The following CRISP2 variants were observed in gnomAD, a reference collection of about 807,000 sequenced individuals.
The protein encoded by CRISP2 is cysteine rich secretory protein 2, also known as cysteine-rich secretory protein 2.
CRISP2 carries 29 observed loss-of-function variants against 31.7 expected under a neutral mutation model. The ratio of observed to expected loss-of-function variants is 0.92; its 90% CI spans 0.68 to 1.25. The LOEUF is 1.25. Among genes scored for constraint, CRISP2 ranks in the 50% most tolerant of loss-of-function variants. The probability of loss-of-function intolerance (pLI) is 0.00; values close to 1 mark genes in which losing one functional copy is unlikely to be tolerated. For missense variants in CRISP2, 318 were observed against 286.5 expected, an observed-to-expected ratio of 1.11 and a Z score of -0.79; for synonymous variants, 111 against 101.4, an observed-to-expected ratio of 1.09 and a Z score of -0.57.
At chr6:49,701,674 A>ATATGTATACATTATG (rs1561876342) in intron 4 of CRISP2, among the ~76,000 whole-genome samples, 2 of 123,220 alleles carry the variant, frequency 1.6e-5, no homozygotes, top group African/African-American at 6.5e-5. Flanking sequence ...TATACATTAT[A>ATATGTATACATTATG]TATGTATACA....
chr6:49,699,430 G>A (rs182716694), intron 6 of CRISP2, among the ~76,000 whole-genome samples: 36 of 151,790 alleles, frequency 2.4e-4, no homozygotes, highest in Admixed American at 2.0e-3. Context: ...AAAGGGCAGT[G>A]GGTTAGAAAT....
intron 4 of CRISP2, among the ~76,000 whole-genome samples, chr6:49,708,256 T>G (rs943766424): frequency 2.0e-5 from 3 of 152,148 alleles, no homozygotes; most frequent in African/African-American, 7.2e-5. Context: ...AAACATGATA[T>G]GCAATTTTAA....
intron 8 of CRISP2, chr6:49,697,627 GAA>G (rs1240654678): frequency 4.3e-6 from 5 of 1,167,884 alleles, no homozygotes; most frequent in Middle Eastern, 2.2e-4. Flanking sequence ...CCAATTGAAA[GAA>G]AAGACATTAT....
chr6:49,685,756 TCCC>T, the CRISP2 span, among the ~76,000 whole-genome samples: 1 of 152,186 alleles, frequency 6.6e-6, no homozygotes, highest in African/African-American at 2.4e-5. Context: ...GGCTGTTTTT[TCCC>T]CCACTTTTTA....
rs747976056 is a variant in CRISP2, at chr6:49,695,843, TC to T, written c.596del (p.Gly199AspfsTer13). 1 of 1,609,622 alleles carries T rather than the reference TC, an allele frequency of 6.2e-7. No homozygotes were observed. The highest frequency in any genetic ancestry group is 8.5e-7 in the Non-Finnish European group (1 of 1,176,546). On this transcript the variant is annotated frameshift_variant, in exon 9 of 10. Transcript: ENST00000339139. LOFTEE classifies it low-confidence loss of function (END_TRUNC). Reference protein sequence around the residue: ...CAGCPDDCDKGLCTNSCQYQD... With the variant: ...CAGCPDDCDKXLCTNSCQYQD... Reference sequence around the variant, plus strand: ...TAATCACTTCAAACTTACTGCATAGTCCTTTGTCACAGTCATCAGGGCAACC... The same window carrying T: ...TAATCACTTCAAACTTACTGCATAGTCTTTGTCACAGTCATCAGGGCAACC...
In CRISP2 at chr6:49,692,853, T is replaced by C; in HGVS notation, c.652A>G (p.Lys218Glu). Reference protein sequence around the residue: ...QDLLSNCDSLKNTAGCEHELL... With the variant: ...QDLLSNCDSLENTAGCEHELL... ...TCATGTTCACAGCCAGCTGTATTCTTCAAGGAATCACAGTTACTTAGGAGA... is the reference window on the plus strand; with the variant it reads ...TCATGTTCACAGCCAGCTGTATTCTCCAAGGAATCACAGTTACTTAGGAGA... The change falls in exon 10 of 10, where the codon AAG becomes GAG. Residue 218 changes from lysine to glutamate, a missense_variant. Physicochemically the swap from Lys to Glu is moderately conservative, Grantham distance 56. Coordinates refer to ENST00000339139, the MANE Select transcript of CRISP2 (RefSeq NM_003296.4). 1.2e-6 allele frequency: 2 copies of C among 1,613,872 alleles called. No homozygotes were observed. The highest frequency in any genetic ancestry group is 1.3e-5 in the African/African-American group (1 of 75,044).
intron 4 of CRISP2, among the ~76,000 whole-genome samples, chr6:49,705,727 T>G (rs1766908287): frequency 6.6e-6 from 1 of 152,160 alleles, no homozygotes; most frequent in Non-Finnish European, 1.5e-5. Context: ...CACTGCTTCT[T>G]CTTCTTTTTT....
At chr6:49,684,470 C>G in the CRISP2 span, among the ~76,000 whole-genome samples, 1 of 152,130 alleles carries the variant, frequency 6.6e-6, no homozygotes, top group African/African-American at 2.4e-5. Context: ...GGACGTAGAA[C>G]TCACAGATAT....
At chr6:49,711,984 C>T (rs973050907) in intron 2 of CRISP2, among the ~76,000 whole-genome samples, 4 of 152,180 alleles carry the variant, frequency 2.6e-5, no homozygotes, top group African/African-American at 7.2e-5. Context: ...CTCATAAGAG[C>T]TTTCTATAAA....
intron 2 of CRISP2, 140 bp from the exon 3 acceptor site, chr6:49,711,461 C>G (rs1361266115): frequency 6.6e-6 from 1 of 152,176 alleles, no homozygotes; most frequent in Non-Finnish European, 1.5e-5. Context: ...TAACCTTAAA[C>G]TTCATTGTCA....
At chr6:49,683,656 T>C in the CRISP2 span, among the ~76,000 whole-genome samples, 1 of 70,162 alleles carries the variant, frequency 1.4e-5, no homozygotes, top group Admixed American at 2.4e-4. Flanking sequence ...AGAGTGAGAC[T>C]CCATTTCAAA....
chr6:49,679,700 A>G, the CRISP2 span, among the ~76,000 whole-genome samples: 13 of 132,820 alleles, frequency 9.8e-5, no homozygotes, highest in Non-Finnish European at 1.9e-4. Flanking sequence ...TTTTTTTTTG[A>G]CATTTATTTA....
chr6:49,692,076 C>T (rs536776676), downstream of CRISP2, among the ~76,000 whole-genome samples: 4 of 152,036 alleles, frequency 2.6e-5, no homozygotes, highest in South Asian at 2.1e-4. Flanking sequence ...GTCCTCTTTT[C>T]GTTGGCTTTA....
intron 3 of CRISP2, 117 bp from the exon 4 acceptor site, chr6:49,709,322 A>C: frequency 1.2e-6 from 1 of 859,604 alleles, no homozygotes; most frequent in Non-Finnish European, 1.8e-6. Context: ...TCCCAGATTC[A>C]TTAACAATGG....
intron 1 of CRISP2, among the ~76,000 whole-genome samples, chr6:49,713,084 G>A (rs1225844579): frequency 6.6e-6 from 1 of 151,896 alleles, no homozygotes; most frequent in African/African-American, 2.4e-5. Context: ...AACTCTAATT[G>A]TTATTACAGT....
At chr6:49,700,029 T>C in intron 5 of CRISP2, 138 bp from the exon 6 acceptor site, 1 of 763,888 alleles carries the variant, frequency 1.3e-6, no homozygotes, top group Admixed American at 2.6e-5. Context: ...TGTTTTTAAG[T>C]GTTTTTATCT....
At chr6:49,683,687 A>T in the CRISP2 span, among the ~76,000 whole-genome samples, 1 of 46,994 alleles carries the variant, frequency 2.1e-5, no homozygotes, top group Non-Finnish European at 4.3e-5. Context: ...AAAAAAAAAA[A>T]AAAAAAAATA....
chr6:49,699,545 AAAAG>A (rs1765316041), intron 6 of CRISP2, among the ~76,000 whole-genome samples: 1 of 152,082 alleles, frequency 6.6e-6, no homozygotes, highest in Admixed American at 6.6e-5. Context: ...TAAACTTACA[AAAAG>A]AAAGATGATA....
rs148691463 is a variant in CRISP2, at chr6:49,705,697, A to G, written c.66+3434T>C. Among the ~76,000 whole-genome samples the G allele has an allele frequency of 2.3e-4, 35 of 152,264 alleles. 1 individual carries two copies. The highest frequency in any genetic ancestry group is 5.5e-4 in the African/African-American group (23 of 41,552). ...TCCCTGGGCTTCTGTGGGAACTGGGAGTGCCTACAGGGCTCTTCTCACTGC... is the reference window on the plus strand; with the variant it reads ...TCCCTGGGCTTCTGTGGGAACTGGGGGTGCCTACAGGGCTCTTCTCACTGC... On this transcript the variant is annotated intron_variant, in intron 4 of 9. Transcript: ENST00000339139.
Sources: allele counts gnomAD v4.1 joint callset (sites outside exome capture counted in the v4.1 genomes callset), GRCh38; gene constraint gnomAD v4.1.1; transcripts MANE v1.5; gene names NCBI Gene and HGNC (gene_info 2026-07-23, HGNC 2026-07-21).